The following DLGAP2 variants were observed in gnomAD, a reference collection of about 807,000 sequenced individuals.
The protein encoded by DLGAP2 is DLG associated protein 2, also known as disks large-associated protein 2.
DLGAP2 carries 26 observed loss-of-function variants against 100.3 expected under a neutral mutation model. The observed-to-expected ratio is 0.26, with a 90% CI of 0.19 to 0.36. DLGAP2 has a LOEUF of 0.36. DLGAP2 is among the 10% of genes least tolerant of loss of function. The probability of loss-of-function intolerance (pLI) is 1.00; values close to 1 mark genes in which losing one functional copy is unlikely to be tolerated. For missense variants in DLGAP2, 1,858 were observed against 1,453.2 expected (o/e 1.28, Z -4.53); for synonymous variants, 886 against 630.1 (o/e 1.41, Z -6.08).
chr8:1,286,871 GAGGAGAAAACCAATTCTC>G (rs1489932224), intron 3 of DLGAP2, among the ~76,000 whole-genome samples: 1 of 152,238 alleles, frequency 6.6e-6, no homozygotes, highest in East Asian at 1.9e-4. Context: ...AAGTGCATTC[GAGGAGAAAACCAATTCTC>G]AGTAGAATGA....
chr8:1,265,610 C>G (rs1451416581), intron 3 of DLGAP2, among the ~76,000 whole-genome samples: 2 of 152,178 alleles, frequency 1.3e-5, no homozygotes, highest in East Asian at 1.9e-4. Flanking sequence ...TCTAAAGACT[C>G]CTAAGACTGA....
At chr8:1,421,241 T>A (rs1797079288) in intron 3 of DLGAP2, among the ~76,000 whole-genome samples, 1 of 152,238 alleles carries the variant, frequency 6.6e-6, no homozygotes, top group Non-Finnish European at 1.5e-5. Flanking sequence ...AGAGCTGCTG[T>A]AATCTGTGAA....
chr8:1,258,802 T>C (rs1485373928), intron 2 of DLGAP2, 49 bp from the exon 3 acceptor site: 2 of 1,229,560 alleles, frequency 1.6e-6, no homozygotes. Flanking sequence ...TTTAACTGCA[T>C]GGTTGAGACC....
chr8:1,556,164 T>C (rs1199658794), intron 5 of DLGAP2, among the ~76,000 whole-genome samples: 1 of 152,214 alleles, frequency 6.6e-6, no homozygotes. Flanking sequence ...ATTTATGCCA[T>C]GACGGCCACC....
At chr8:1,633,135 A>T in intron 8 of DLGAP2, 89 bp downstream of exon 8, 1 of 1,246,970 alleles carries the variant, frequency 8.0e-7, no homozygotes, top group Non-Finnish European at 1.2e-6. Context: ...ACACAGCACC[A>T]CAGTACAATG....
At chr8:1,518,239 G>A (rs549823941) in intron 4 of DLGAP2, among the ~76,000 whole-genome samples, 2 of 152,152 alleles carry the variant, frequency 1.3e-5, no homozygotes, top group Non-Finnish European at 2.9e-5. Context: ...CTGGAATGGC[G>A]ACTGCTCCCA....
At chr8:1,005,786 C>G (rs1801091640) in intron 2 of DLGAP2, among the ~76,000 whole-genome samples, 1 of 152,128 alleles carries the variant, frequency 6.6e-6, no homozygotes, top group South Asian at 2.1e-4. Flanking sequence ...TGGATAATCT[C>G]TCTTGTACTT....
At chr8:1,130,064 C>A (rs1202790080) in intron 2 of DLGAP2, among the ~76,000 whole-genome samples, 1 of 151,690 alleles carries the variant, frequency 6.6e-6, no homozygotes, top group East Asian at 1.9e-4. Context: ...ATGTCGGGCA[C>A]TTCACGTGGG....
intron 2 of DLGAP2, among the ~76,000 whole-genome samples, chr8:1,006,422 C>G (rs1801111470): frequency 6.8e-6 from 1 of 146,286 alleles, no homozygotes; most frequent in Non-Finnish European, 1.5e-5. Context: ...GGATGTGGTC[C>G]TTTATCACGT....
chr8:772,554 C>G (rs1821392458), intron 1 of DLGAP2, among the ~76,000 whole-genome samples: 1 of 152,124 alleles, frequency 6.6e-6, no homozygotes, highest in Non-Finnish European at 1.5e-5. Flanking sequence ...AACTCCTCGC[C>G]TCAGGTGGTC....
At chr8:1,454,057 A>T (rs779148142) in intron 3 of DLGAP2, among the ~76,000 whole-genome samples, 1 of 152,240 alleles carries the variant, frequency 6.6e-6, no homozygotes, top group East Asian at 1.9e-4. Flanking sequence ...CTGTTGAATG[A>T]CAGATCGCAA....
chr8:1,581,699 C>T (rs545988680), intron 6 of DLGAP2, among the ~76,000 whole-genome samples: 14 of 150,954 alleles, frequency 9.3e-5, no homozygotes, highest in Non-Finnish European at 1.3e-4. Flanking sequence ...CATATACACA[C>T]CGCAGTCAAA....
chr8:1,141,895 A>C (rs1380860549), intron 2 of DLGAP2, among the ~76,000 whole-genome samples: 1 of 152,176 alleles, frequency 6.6e-6, no homozygotes, highest in African/African-American at 2.4e-5. Context: ...AATATTTTCA[A>C]AAATTTCTGA....
In DLGAP2 at chr8:793,204, C is replaced by A. The variant is rs966141455; in HGVS notation, c.18+55379C>A. Among the ~76,000 whole-genome samples the A allele has an allele frequency of 2.0e-5, 3 of 152,300 alleles. No homozygotes were observed. In the South Asian group the frequency reaches 6.2e-4, roughly 32 times the overall value. On this transcript the variant is annotated intron_variant, in intron 1 of 14. Transcript: ENST00000637795. Reference sequence around the variant, plus strand: ...GTTCACATCTGTGGGTGGGAAAGCTCTTAGAATCCTTGAATGTCTAAAAAT... The same window carrying A: ...GTTCACATCTGTGGGTGGGAAAGCTATTAGAATCCTTGAATGTCTAAAAAT...
intron 2 of DLGAP2, among the ~76,000 whole-genome samples, chr8:912,110 C>T (rs567779642): frequency 1.4e-4 from 22 of 152,196 alleles, no homozygotes; most frequent in Non-Finnish European, 2.6e-4. Context: ...TCTACTGCCA[C>T]GAATAATTAG....
At chr8:769,720 C>T (rs1283366465) in intron 1 of DLGAP2, among the ~76,000 whole-genome samples, 1 of 152,156 alleles carries the variant, frequency 6.6e-6, no homozygotes, top group African/African-American at 2.4e-5. Context: ...CTCATTTCTA[C>T]TCCCCTTCCT....
chr8:1,491,243 C>T (rs1200967252), intron 3 of DLGAP2, among the ~76,000 whole-genome samples: 3 of 152,166 alleles, frequency 2.0e-5, no homozygotes, highest in Non-Finnish European at 4.4e-5. Context: ...TCACATGTAA[C>T]TGGCGTCCCA....
At chr8:1,501,843 C>A (rs911308753) in intron 4 of DLGAP2, among the ~76,000 whole-genome samples, 1 of 152,314 alleles carries the variant, frequency 6.6e-6, no homozygotes, top group East Asian at 1.9e-4. Flanking sequence ...ACACTGGGGT[C>A]TGGATGCTGA....
At position 1,539,214 on chromosome 8, in the gene DLGAP2, A is replaced by C. The variant is rs75510282; in HGVS notation, c.173-9412A>C. Among the ~76,000 whole-genome samples the C allele has an allele frequency of 1.6e-3, 249 of 152,212 alleles. 5 individuals are homozygous for C. In the East Asian group the frequency reaches 0.032, roughly 20 times the overall value. On this transcript the variant is annotated intron_variant, in intron 4 of 14. Coordinates refer to ENST00000637795, the MANE Select transcript of DLGAP2 (RefSeq NM_001346810.2). ...CACTCATCTTTTTTCGTTTGTTTTC[A>C]TAACTAACAGCATGTCCACCAACAG...
Sources: gnomAD v4.1 joint callset for allele counts (sites outside exome capture counted in the v4.1 genomes callset) on GRCh38, gnomAD v4.1.1 for gene constraint, MANE v1.5 for transcripts, NCBI Gene and HGNC (gene_info 2026-07-23, HGNC 2026-07-21) for gene names.